Variants in MME observed in about 807,000 individuals in gnomAD.
The protein encoded by MME is membrane metalloendopeptidase, also known as neprilysin.
MME carries 98 observed loss-of-function variants against 113.2 expected under a neutral mutation model. The ratio of observed to expected loss-of-function variants is 0.87; its 90% CI spans 0.74 to 1.02. The LOEUF is 1.02. Ranked by LOEUF, MME falls within the 50% of genes least tolerant of loss-of-function variation. The pLI is 0.00. For missense variants in MME, 836 were observed against 896.0 expected (o/e 0.93, Z 0.86); for synonymous variants, 292 against 300.6 (o/e 0.97, Z 0.30).
intron 16 of MME, among the ~76,000 whole-genome samples, chr3:155,151,473 C>T (rs920322200): frequency 6.6e-6 from 1 of 152,158 alleles, no homozygotes; most frequent in Non-Finnish European, 1.5e-5. Flanking sequence ...TTTTACTTCT[C>T]GACATCTTCT....
intron 1 of MME, among the ~76,000 whole-genome samples, chr3:155,046,352 G>A (rs1006764349): frequency 6.6e-6 from 1 of 152,128 alleles, no homozygotes; most frequent in African/African-American, 2.4e-5. Context: ...TCAACAGATT[G>A]CATATATGAG....
In MME at chr3:155,181,283, A is replaced by G. The variant is rs1713063324; in HGVS notation, c.*824A>G. The G allele has an allele frequency of 6.6e-6, 1 of 152,120 alleles. No homozygotes were observed. The highest frequency in any genetic ancestry group is 6.6e-5 in the Admixed American group (1 of 15,258). The allele number at this position is 152,120 out of a possible 1,614,324, so 9.4% of individuals were successfully genotyped here. A position where few individuals can be genotyped will look rare whatever the true frequency, so the allele number is the denominator to read the frequency against. On this transcript the variant is annotated 3_prime_UTR_variant, in exon 23 of 23. Coordinates refer to ENST00000360490, the MANE Select transcript of MME (RefSeq NM_007289.4). ...AATGAATATTGAAGTTTCAGCTTAA[A>G]ATAAACAGTTGTGAACCAAGATCTA...
intron 1 of MME, among the ~76,000 whole-genome samples, chr3:155,037,118 G>C (rs763701049): frequency 4.9e-4 from 75 of 152,186 alleles, no homozygotes; most frequent in Non-Finnish European, 7.6e-4. Flanking sequence ...CTGTCCTGAA[G>C]ACTATAGCTT....
At chr3:155,081,515 CT>C (rs1201717869) in intron 1 of MME, 5 of 152,198 alleles carry the variant, frequency 3.3e-5, no homozygotes, top group South Asian at 4.2e-4. Flanking sequence ...TCCGTTTAAA[CT>C]TTTTATTTAA....
At position 155,140,296 on chromosome 3, in the gene MME, A is replaced by G; in HGVS notation, c.957+4A>G. 1 of 1,590,628 alleles carries G rather than the reference A, an allele frequency of 6.3e-7. No homozygotes were observed. The highest frequency in any genetic ancestry group is 8.6e-7 in the Non-Finnish European group (1 of 1,159,500). ...TTCACTAGAGATCAATGGGAAGGTA[A>G]GTGGTAAGTTTTTTGTGCTCTCTTA... On this transcript the variant is annotated splice_donor_region_variant and intron_variant, in intron 10 of 22. Transcript: ENST00000360490.
chr3:155,038,577 A>C (rs1384867600), intron 1 of MME, among the ~76,000 whole-genome samples: 4 of 152,154 alleles, frequency 2.6e-5, no homozygotes, highest in Non-Finnish European at 4.4e-5. Context: ...ATTAGAACTC[A>C]CTCATGATGT....
At chr3:155,049,903 G>C (rs1202447142) in intron 1 of MME, among the ~76,000 whole-genome samples, 1 of 152,052 alleles carries the variant, frequency 6.6e-6, no homozygotes, top group Non-Finnish European at 1.5e-5. Flanking sequence ...TGTCACAAGG[G>C]TTTGGTGTAC....
At chr3:155,068,526 C>T (rs904641529) in intron 1 of MME, among the ~76,000 whole-genome samples, 3 of 152,180 alleles carry the variant, frequency 2.0e-5, no homozygotes, top group South Asian at 2.1e-4. Context: ...TGGTCTGACA[C>T]GGTGTCACTG....
chr3:155,133,178 A>G (rs1720306478), intron 8 of MME, among the ~76,000 whole-genome samples: 2 of 151,250 alleles, frequency 1.3e-5, no homozygotes, highest in South Asian at 4.2e-4. Context: ...TTAAGGTAGA[A>G]TCACATCTCG....
At chr3:155,094,398 G>C (rs937121334) in intron 3 of MME, among the ~76,000 whole-genome samples, 1 of 152,256 alleles carries the variant, frequency 6.6e-6, no homozygotes, top group South Asian at 2.1e-4. Flanking sequence ...CATGTTACAC[G>C]CCCTTCAGGG....
intron 1 of MME, among the ~76,000 whole-genome samples, chr3:155,052,508 A>C (rs1212948377): frequency 6.6e-6 from 1 of 152,230 alleles, no homozygotes; most frequent in African/African-American, 2.4e-5. Flanking sequence ...GGAAGCTGCC[A>C]AGGCTTGGGG....
intron 1 of MME, among the ~76,000 whole-genome samples, chr3:155,034,792 TGTCTGTTAGTCA>T (rs1253518435): frequency 6.6e-6 from 1 of 152,228 alleles, no homozygotes; most frequent in Non-Finnish European, 1.5e-5. Flanking sequence ...CATGGGTCCA[TGTCTGTTAGTCA>T]GTTTGGAAAT....
chr3:155,095,820 A>G (rs1716686696), intron 3 of MME, among the ~76,000 whole-genome samples: 2 of 152,192 alleles, frequency 1.3e-5, no homozygotes, highest in African/African-American at 4.8e-5. Context: ...CAACATTACC[A>G]TATGGTTTGA....
At chr3:155,155,316 T>G (rs1434330879) in intron 16 of MME, among the ~76,000 whole-genome samples, 1 of 152,196 alleles carries the variant, frequency 6.6e-6, no homozygotes, top group Non-Finnish European at 1.5e-5. Context: ...AAACTTCCAT[T>G]TAAACTGAAA....
upstream of MME, among the ~76,000 whole-genome samples, chr3:155,078,688 T>C (rs983303469): frequency 2.6e-5 from 4 of 151,538 alleles, no homozygotes; most frequent in African/African-American, 9.7e-5. Context: ...TGTGTGTGTG[T>C]GTGTAATTAC....
chr3:155,033,914 T>C (rs1189698758), intron 1 of MME, among the ~76,000 whole-genome samples: 2 of 152,116 alleles, frequency 1.3e-5, no homozygotes, highest in Non-Finnish European at 2.9e-5. Context: ...TGAGGCAATA[T>C]AGAATTCAAT....
At chr3:155,104,662 G>C (rs187352240) in intron 3 of MME, among the ~76,000 whole-genome samples, 9 of 152,314 alleles carry the variant, frequency 5.9e-5, no homozygotes, top group Admixed American at 5.2e-4. Flanking sequence ...AGGAACATGG[G>C]TGTGGACCCC....
At chr3:155,144,487 A>G in intron 14 of MME, 30 bp downstream of exon 14, 1 of 1,398,930 alleles carries the variant, frequency 7.1e-7, no homozygotes, top group Non-Finnish European at 1.0e-6. Context: ...CTAGCAAAGA[A>G]AAATCTTTGC....
At chr3:155,114,922 G>A (rs1176373027) in intron 3 of MME, 72 bp from the exon 4 acceptor site, 6 of 1,488,644 alleles carry the variant, frequency 4.0e-6, no homozygotes, top group Non-Finnish European at 5.6e-6. Flanking sequence ...GGAGCAATAA[G>A]CCTTTTTCTC....
Sources: allele counts gnomAD v4.1 joint callset (sites outside exome capture counted in the v4.1 genomes callset), GRCh38; gene constraint gnomAD v4.1.1; transcripts MANE v1.5; gene names NCBI Gene and HGNC (gene_info 2026-07-23, HGNC 2026-07-21).